The following LRRC4C variants were observed in gnomAD, a reference collection of about 807,000 sequenced individuals.
LRRC4C encodes leucine-rich repeat-containing protein 4C.
LRRC4C carries 5 observed loss-of-function variants against 33.6 expected under a neutral mutation model. The ratio of observed to expected loss-of-function variants is 0.15; its 90% CI spans 0.08 to 0.31. LRRC4C has a LOEUF of 0.31. Ranked by LOEUF, LRRC4C falls within the 10% of genes least tolerant of loss-of-function variation. LRRC4C has a pLI of 1.00. For missense variants in LRRC4C, 560 were observed against 796.7 expected (o/e 0.70, Z 3.58); for synonymous variants, 329 against 302.0 (o/e 1.09, Z -0.93).
intron 1 of LRRC4C, among the ~76,000 whole-genome samples, chr11:40,995,396 C>T (rs1202432305): frequency 6.6e-6 from 1 of 152,030 alleles, no homozygotes; most frequent in Non-Finnish European, 1.5e-5. Context: ...TAGATAGCTT[C>T]ACTTTGCTAC....
intron 3 of LRRC4C, among the ~76,000 whole-genome samples, chr11:40,430,497 A>G (rs552864452): frequency 6.6e-6 from 1 of 152,288 alleles, no homozygotes; most frequent in African/African-American, 2.4e-5. Flanking sequence ...AAGGAACGGC[A>G]AGATTTACAT....
At chr11:41,412,784 G>A (rs1954536841) in intron 1 of LRRC4C, among the ~76,000 whole-genome samples, 1 of 152,068 alleles carries the variant, frequency 6.6e-6, no homozygotes, top group Admixed American at 6.5e-5. Flanking sequence ...CAGAAACTCA[G>A]ACAGAGAGAG....
At chr11:41,124,624 C>T (rs1942649520) in intron 1 of LRRC4C, among the ~76,000 whole-genome samples, 1 of 152,060 alleles carries the variant, frequency 6.6e-6, no homozygotes, top group African/African-American at 2.4e-5. Context: ...TAAACATAGA[C>T]AGTCATTAAC....
chr11:41,059,626 T>G (rs1467830982), intron 1 of LRRC4C, among the ~76,000 whole-genome samples: 1 of 152,180 alleles, frequency 6.6e-6, no homozygotes, highest in Non-Finnish European at 1.5e-5. Context: ...CAGACTCCCC[T>G]TATGTAGGTT....
intron 3 of LRRC4C, among the ~76,000 whole-genome samples, chr11:40,323,221 G>A (rs1191056570): frequency 6.6e-6 from 1 of 152,142 alleles, no homozygotes; most frequent in Non-Finnish European, 1.5e-5. Flanking sequence ...AAAGGTGAAA[G>A]TTCACTTGTT....
At chr11:41,100,579 TAATAATAATAAC>T (rs1294617643) in intron 1 of LRRC4C, among the ~76,000 whole-genome samples, 1 of 151,430 alleles carries the variant, frequency 6.6e-6, no homozygotes. Flanking sequence ...AAAATAATAA[TAATAATAATAAC>T]AATAATAATA....
chr11:41,210,006 C>T (rs1040201150), intron 1 of LRRC4C, among the ~76,000 whole-genome samples: 8 of 152,128 alleles, frequency 5.3e-5, no homozygotes, highest in Non-Finnish European at 7.4e-5. Flanking sequence ...GGAAACGCCA[C>T]GTGAGGATTC....
intron 5 of LRRC4C, among the ~76,000 whole-genome samples, chr11:40,216,158 A>G (rs1483589573): frequency 3.9e-5 from 6 of 152,182 alleles, no homozygotes. Context: ...TTTTTTAGAT[A>G]CATTATCTTG....
chr11:40,247,254 A>G lies in LRRC4C; in HGVS notation c.-175-5656T>C, dbSNP rs147215271. On this transcript the variant is annotated intron_variant, in intron 4 of 6. Transcript: ENST00000528697. Reference sequence around the variant, plus strand: ...TCATTTTGTTAATTGAATGGTTCTTAAACAACCTCATTATCTGCCCACAGC... The same window carrying G: ...TCATTTTGTTAATTGAATGGTTCTTGAACAACCTCATTATCTGCCCACAGC... Among the ~76,000 whole-genome samples, 19 of 152,258 alleles carry G rather than the reference A, an allele frequency of 1.2e-4. No homozygotes were observed. In the East Asian group the frequency reaches 2.9e-3, roughly 23 times the overall value.
chr11:41,413,509 T>C (rs542736621), intron 1 of LRRC4C, among the ~76,000 whole-genome samples: 1 of 152,222 alleles, frequency 6.6e-6, no homozygotes, highest in Non-Finnish European at 1.5e-5. Flanking sequence ...AATATGACCA[T>C]ACATAACTCT....
At chr11:41,296,632 C>T (rs1950151843) in intron 1 of LRRC4C, among the ~76,000 whole-genome samples, 1 of 152,026 alleles carries the variant, frequency 6.6e-6, no homozygotes, top group Non-Finnish European at 1.5e-5. Context: ...TTTTTGAGGT[C>T]CCCAAATAAG....
chr11:40,527,163 A>G (rs963526667), intron 3 of LRRC4C, among the ~76,000 whole-genome samples: 2 of 152,196 alleles, frequency 1.3e-5, no homozygotes, highest in African/African-American at 4.8e-5. Flanking sequence ...ATTTCTAAGT[A>G]TATGAAATGT....
intron 2 of LRRC4C, among the ~76,000 whole-genome samples, chr11:40,788,821 C>A (rs547136309): frequency 6.6e-6 from 1 of 152,052 alleles, no homozygotes; most frequent in Non-Finnish European, 1.5e-5. Context: ...AGGCCGGGCA[C>A]GGTGGCTCAC....
intron 3 of LRRC4C, among the ~76,000 whole-genome samples, chr11:40,583,414 G>T (rs201187832): frequency 6.6e-6 from 1 of 152,142 alleles, no homozygotes; most frequent in African/African-American, 2.4e-5. Flanking sequence ...TAATGGTGCC[G>T]CTTTCCTGCT....
intron 1 of LRRC4C, among the ~76,000 whole-genome samples, chr11:41,376,352 AC>A (rs1292213070): frequency 6.6e-6 from 1 of 152,166 alleles, no homozygotes; most frequent in African/African-American, 2.4e-5. Context: ...TTGTAGCTTT[AC>A]CTATTGCCCA....
chr11:40,479,944 T>C (rs555817163), intron 3 of LRRC4C, among the ~76,000 whole-genome samples: 3 of 152,324 alleles, frequency 2.0e-5, no homozygotes, highest in Admixed American at 2.0e-4. Context: ...CCTCTATTAT[T>C]CCTTGCTTCT....
At chr11:40,849,859 A>C (rs1325777053) in intron 2 of LRRC4C, among the ~76,000 whole-genome samples, 1 of 150,700 alleles carries the variant, frequency 6.6e-6, no homozygotes, top group Non-Finnish European at 1.5e-5. Context: ...TCTTTTCTTC[A>C]CACTTTATTT....
intron 1 of LRRC4C, among the ~76,000 whole-genome samples, chr11:41,248,647 C>T (rs553589636): frequency 2.0e-5 from 3 of 152,258 alleles, no homozygotes; most frequent in African/African-American, 7.2e-5. Context: ...ATTATACTTA[C>T]TTCCTAAATG....
chr11:40,177,232 C>T (rs1860581342), intron 5 of LRRC4C, among the ~76,000 whole-genome samples: 2 of 151,894 alleles, frequency 1.3e-5, no homozygotes, highest in Admixed American at 6.5e-5. Flanking sequence ...GGATTACAGG[C>T]ATGAGCCACC....
Sources: gnomAD v4.1 joint callset for allele counts (sites outside exome capture counted in the v4.1 genomes callset) on GRCh38, gnomAD v4.1.1 for gene constraint, MANE v1.5 for transcripts, NCBI Gene and HGNC (gene_info 2026-07-23, HGNC 2026-07-21) for gene names.